FTO: variants seen among roughly 807,000 people sequenced by gnomAD.
FTO encodes FTO alpha-ketoglutarate dependent dioxygenase.
Under a neutral mutation model 63.9 loss-of-function variants are expected in FTO, and 47 were observed. That is an observed-to-expected ratio of 0.74 (90% CI 0.58 to 0.94). The LOEUF (loss-of-function observed/expected upper bound fraction) is 0.94. FTO is among the 40% of genes least tolerant of loss of function. FTO has a pLI of 0.00. For missense variants in FTO, 562 were observed against 618.1 expected (o/e 0.91, Z 0.96); for synonymous variants, 207 against 224.4 (o/e 0.92, Z 0.69).
intron 8 of FTO, among the ~76,000 whole-genome samples, chr16:53,990,660 A>G (rs1169847542): frequency 8.5e-6 from 1 of 118,108 alleles, no homozygotes; most frequent in Non-Finnish European, 2.1e-5. Context: ...TTTTCTTTTT[A>G]TTTTATTTTA....
intron 8 of FTO, among the ~76,000 whole-genome samples, chr16:54,059,507 A>T (rs1204848463): frequency 6.6e-6 from 1 of 151,958 alleles, no homozygotes; most frequent in Non-Finnish European, 1.5e-5. Flanking sequence ...TTTGACTTGG[A>T]GGGGTCATGG....
chr16:54,078,891 A>G (rs750805543), intron 8 of FTO, among the ~76,000 whole-genome samples: 6 of 152,172 alleles, frequency 3.9e-5, no homozygotes, highest in Non-Finnish European at 7.4e-5. Context: ...ATAAAATTTA[A>G]AAATTTAAAA....
rs1185648120 is a variant in FTO, at chr16:53,844,300, T to A, written c.895+2T>A. Reference sequence around the variant, plus strand: ...AAGGAGACTGCTATTTCATGCTTGGTAATCTTTGGAAAATCAAAATTATAT... The same window carrying A: ...AAGGAGACTGCTATTTCATGCTTGGAAATCTTTGGAAAATCAAAATTATAT... On this transcript the variant is annotated splice_donor_variant, in intron 4 of 8. Transcript: ENST00000471389. LOFTEE classifies it high-confidence loss of function. 6.2e-7 allele frequency: 1 copy of A among 1,611,874 alleles called. No individual in the cohort carries two copies. Among genetic ancestry groups the A allele is most frequent in the South Asian group, 1.1e-5 (1 of 91,032 alleles).
intron 1 of FTO, among the ~76,000 whole-genome samples, chr16:53,805,763 C>T (rs999088274): frequency 5.3e-5 from 8 of 152,128 alleles, no homozygotes; most frequent in Admixed American, 2.0e-4. Context: ...GTGTGTTTCA[C>T]ATAGGTCTTT....
At chr16:54,102,440 G>GT (rs1406385929) in intron 8 of FTO, among the ~76,000 whole-genome samples, 1 of 152,162 alleles carries the variant, frequency 6.6e-6, no homozygotes, top group Non-Finnish European at 1.5e-5. Context: ...GCTGGGCATT[G>GT]TTTTGCGTGC....
Position 54,120,852 on chromosome 16 carries a change from G to T in FTO, c.*8937G>T, listed in dbSNP as rs1281945658. ...TGTGTGTGCTATTGTTTTCTCCATA[G>T]GTCACAAACATCCACAAGATATTGG... is the stretch of plus-strand genomic sequence containing the variant. On this transcript the variant is annotated 3_prime_UTR_variant, in exon 9 of 9. Coordinates refer to ENST00000471389, the MANE Select transcript of FTO (RefSeq NM_001080432.3). 6.6e-6 allele frequency: 1 copy of T among 152,080 alleles called. No homozygotes were observed. Among genetic ancestry groups the T allele is most frequent in the Non-Finnish European group, 1.5e-5 (1 of 68,024 alleles). 9.4% of individuals were successfully genotyped at this position (152,080 alleles called of 1,614,324 possible).
At chr16:53,745,658 G>A (rs1441172493) in intron 1 of FTO, among the ~76,000 whole-genome samples, 3 of 152,154 alleles carry the variant, frequency 2.0e-5, no homozygotes, top group Admixed American at 6.5e-5. Flanking sequence ...AGAGGAGGAT[G>A]GTCAGGGTCT....
chr16:53,722,792 C>T (rs562892142), intron 1 of FTO, among the ~76,000 whole-genome samples: 396 of 150,772 alleles, frequency 2.6e-3, no homozygotes, highest in Non-Finnish European at 4.6e-3. Context: ...TGCACCACTG[C>T]ACTCCAGCCT....
At chr16:53,704,612 G>A (rs1320630850) in intron 1 of FTO, among the ~76,000 whole-genome samples, 1 of 152,154 alleles carries the variant, frequency 6.6e-6, no homozygotes, top group Admixed American at 6.5e-5. Flanking sequence ...TGAAATATCT[G>A]TGCAGTCAGC....
chr16:53,875,347 A>G (rs953954933), intron 5 of FTO, among the ~76,000 whole-genome samples: 1 of 152,222 alleles, frequency 6.6e-6, no homozygotes, highest in Admixed American at 6.5e-5. Flanking sequence ...AGGGCTGTAC[A>G]AAATGATAAA....
chr16:54,042,577 A>C (rs8059666), intron 8 of FTO, among the ~76,000 whole-genome samples: 1 of 61,322 alleles, frequency 1.6e-5, no homozygotes, highest in Non-Finnish European at 2.6e-5. Flanking sequence ...CAAAGCAGCC[A>C]GGAAGCTTGA....
At chr16:53,921,888 A>G (rs2082015282) in intron 7 of FTO, among the ~76,000 whole-genome samples, 1 of 152,158 alleles carries the variant, frequency 6.6e-6, no homozygotes, top group Non-Finnish European at 1.5e-5. Flanking sequence ...AGTATTAGGT[A>G]TAATACTTTT....
intron 8 of FTO, among the ~76,000 whole-genome samples, chr16:54,033,818 AAAAT>A (rs144945454): frequency 0.014 from 2,135 of 152,312 alleles, 39 homozygotes; most frequent in African/African-American, 0.049. Context: ...CCAGTCTCTT[AAAAT>A]AAATAAATAA....
intron 1 of FTO, among the ~76,000 whole-genome samples, chr16:53,766,576 G>T (rs1451799659): frequency 1.3e-5 from 2 of 152,230 alleles, no homozygotes; most frequent in African/African-American, 4.8e-5. Context: ...GACGAAGCAG[G>T]TCTGGGGTGA....
At chr16:53,920,163 C>T (rs1252667082) in intron 7 of FTO, among the ~76,000 whole-genome samples, 1 of 152,092 alleles carries the variant, frequency 6.6e-6, no homozygotes, top group Non-Finnish European at 1.5e-5. Context: ...AGACTGGCTG[C>T]CATGTGTCAG....
chr16:53,823,935 C>T (rs1282703303), intron 2 of FTO, among the ~76,000 whole-genome samples: 1 of 152,128 alleles, frequency 6.6e-6, no homozygotes, highest in Non-Finnish European at 1.5e-5. Context: ...TTATCCCTTA[C>T]ATCTAATTCA....
rs2086937389 is a variant in FTO, at chr16:54,113,603, C to G, written c.*1688C>G. ...GAAGCAGTGTCTCACAGGGTCATTACAGAGATTAAATGAAATAAATGAAAT... is the reference window on the plus strand; with the variant it reads ...GAAGCAGTGTCTCACAGGGTCATTAGAGAGATTAAATGAAATAAATGAAAT... On this transcript the variant is annotated 3_prime_UTR_variant, in exon 9 of 9. Coordinates refer to ENST00000471389, the MANE Select transcript of FTO (RefSeq NM_001080432.3). The G allele has an allele frequency of 6.6e-6, 1 of 152,100 alleles. No homozygotes were observed. The highest frequency in any genetic ancestry group is 2.1e-4 in the South Asian group (1 of 4,820). 9.4% of individuals were successfully genotyped at this position (152,100 alleles called of 1,614,324 possible).
Position 53,979,054 on chromosome 16 carries a change from T to C in FTO, c.1364+44945T>C, listed in dbSNP as rs150951443. Among the ~76,000 whole-genome samples, 495 of 152,276 alleles carry C rather than the reference T, an allele frequency of 3.3e-3. 1 individual carries two copies. Among genetic ancestry groups the C allele is most frequent in the African/African-American group, 0.011 (463 of 41,560 alleles). On this transcript the variant is annotated intron_variant, in intron 8 of 8. Transcript: ENST00000471389. ...TACCACCCAGAAGGTTAACATTTGG[T>C]TATGATTAGAAATATTTCTGTTTTT... is the stretch of plus-strand genomic sequence containing the variant.
Position 54,118,389 on chromosome 16 carries a change from T to A in FTO, c.*6474T>A. 6.9e-6 allele frequency: 1 copy of A among 144,744 alleles called. No individual in the cohort carries two copies. The highest frequency in any genetic ancestry group is 1.5e-5 in the Non-Finnish European group (1 of 66,412). 9.0% of individuals were successfully genotyped at this position (144,744 alleles called of 1,614,324 possible). A position where few individuals can be genotyped will look rare whatever the true frequency, so the allele number is the denominator to read the frequency against. On this transcript the variant is annotated 3_prime_UTR_variant, in exon 9 of 9. Transcript: ENST00000471389. The stretch of plus-strand genomic sequence containing the variant: ...TTCTTTTTTTTTTTCAGACAGGGTC[T>A]CACCCTGTCACGTAGGCTGGAGTGC...
Sources: allele counts gnomAD v4.1 joint callset (sites outside exome capture counted in the v4.1 genomes callset), GRCh38; gene constraint gnomAD v4.1.1; transcripts MANE v1.5; gene names NCBI Gene and HGNC (gene_info 2026-07-23, HGNC 2026-07-21).